Variants in WWOX observed in about 807,000 individuals in gnomAD.
The protein encoded by WWOX is WW domain-containing oxidoreductase.
A neutral mutation model predicts 46.2 loss-of-function variants in WWOX; 69 were observed. The ratio of observed to expected loss-of-function variants is 1.49; its 90% confidence interval spans 1.23 to 1.82. The LOEUF is 1.82. Ranked by LOEUF, WWOX falls within the 40% of genes most tolerant of loss-of-function variation. The pLI is 0.00. For missense variants in WWOX, 919 were observed against 542.6 expected, an observed-to-expected ratio of 1.69 and a Z score of -6.89; for synonymous variants, 359 against 202.6, an observed-to-expected ratio of 1.77 and a Z score of -6.56.
intron 8 of WWOX, among the ~76,000 whole-genome samples, chr16:78,607,135 T>A (rs1327899589): frequency 6.6e-6 from 1 of 152,084 alleles, no homozygotes; most frequent in Non-Finnish European, 1.5e-5. Context: ...TTTTATTAAT[T>A]AGTTAAAATA....
intron 8 of WWOX, among the ~76,000 whole-genome samples, chr16:79,149,171 T>G (rs928049571): frequency 2.6e-5 from 4 of 152,292 alleles, no homozygotes; most frequent in African/African-American, 9.6e-5. Flanking sequence ...CTGTAAATTT[T>G]TTGTAGATGT....
At chr16:78,740,902 A>G (rs1341048922) in intron 8 of WWOX, among the ~76,000 whole-genome samples, 1 of 152,112 alleles carries the variant, frequency 6.6e-6, no homozygotes, top group Non-Finnish European at 1.5e-5. Context: ...CCCCACCAGA[A>G]ACCCTCACAG....
At chr16:78,427,481 C>T (rs904146781) in intron 7 of WWOX, among the ~76,000 whole-genome samples, 4 of 152,136 alleles carry the variant, frequency 2.6e-5, no homozygotes, top group African/African-American at 9.7e-5. Context: ...GCTGCAGCTG[C>T]ATGGAGTGCC....
At chr16:78,983,440 A>T (rs916941720) in intron 8 of WWOX, among the ~76,000 whole-genome samples, 1 of 152,212 alleles carries the variant, frequency 6.6e-6, no homozygotes, top group Non-Finnish European at 1.5e-5. Context: ...TTATCCATAA[A>T]ACTGAACAGG....
At chr16:78,919,844 C>T (rs1442964186) in intron 8 of WWOX, among the ~76,000 whole-genome samples, 1 of 152,114 alleles carries the variant, frequency 6.6e-6, no homozygotes, top group Non-Finnish European at 1.5e-5. Flanking sequence ...TGTGGGGATC[C>T]TGGAGACACA....
At position 78,696,533 on chromosome 16, in the gene WWOX, C is replaced by T. The variant is rs371830633; in HGVS notation, c.1056+263781C>T. Among the ~76,000 whole-genome samples, 9 of 152,246 alleles carry T rather than the reference C, an allele frequency of 5.9e-5. No homozygotes were observed. The South Asian group carries it at 1.9e-3, about 32-fold the overall frequency. The stretch of plus-strand genomic sequence containing the variant: ...AGGATACTCTCTCACAATGCTAGGC[C>T]ACAGCAGCGAGCTGCAGCTCCCAGT... On this transcript the variant is annotated intron_variant, in intron 8 of 8. Coordinates refer to ENST00000566780, the MANE Select transcript of WWOX (RefSeq NM_016373.4).
intron 8 of WWOX, among the ~76,000 whole-genome samples, chr16:78,604,308 C>A (rs959342180): frequency 6.6e-6 from 1 of 152,104 alleles, no homozygotes; most frequent in Non-Finnish European, 1.5e-5. Flanking sequence ...TACATCTTGT[C>A]CTCTTAACCC....
At position 79,038,596 on chromosome 16, in the gene WWOX, C is replaced by T. The variant is rs149864986; in HGVS notation, c.1057-173012C>T. On this transcript the variant is annotated intron_variant, in intron 8 of 8. Transcript: ENST00000566780. ...CAGAGTTTCTCTCTTGTCACACAGG[C>T]TGGAGTGCAATGGTGCAATCTCAGC... 5.1e-3 allele frequency among the ~76,000 whole-genome samples: 772 copies of T among 152,236 alleles called. 5 individuals are homozygous for T. The highest frequency in any genetic ancestry group is 0.017 in the African/African-American group (709 of 41,524).
rs114418618 is a variant in WWOX, at chr16:78,569,380, T to A, written c.1056+136628T>A. Among the ~76,000 whole-genome samples, 846 of 152,338 alleles carry A rather than the reference T, an allele frequency of 5.6e-3. 11 individuals carry two copies. The highest frequency in any genetic ancestry group is 0.02 in the African/African-American group (824 of 41,582). ...TGAGTTGGTTTAAAATATCACTGTT[T>A]TGTTGACATTCACCTGTATTATACA... On this transcript the variant is annotated intron_variant, in intron 8 of 8. Coordinates refer to ENST00000566780, the MANE Select transcript of WWOX (RefSeq NM_016373.4).
Position 78,134,573 on chromosome 16 carries a change from G to A in WWOX, c.409+19419G>A, listed in dbSNP as rs149293038. Among the ~76,000 whole-genome samples the A allele has an allele frequency of 8.5e-3, 1,296 of 152,016 alleles. 30 individuals are homozygous for A. Among genetic ancestry groups the A allele is most frequent in the African/African-American group, 0.03 (1,251 of 41,452 alleles). Reference sequence around the variant, plus strand: ...AGTTTCATATTTTACTTTAATTTCTGTACATCAATATCTGCCATTATAGTA... The same window carrying A: ...AGTTTCATATTTTACTTTAATTTCTATACATCAATATCTGCCATTATAGTA... On this transcript the variant is annotated intron_variant, in intron 4 of 8. Transcript: ENST00000566780.
intron 5 of WWOX, among the ~76,000 whole-genome samples, chr16:78,242,594 A>T (rs763210248): frequency 2.0e-5 from 3 of 152,196 alleles, no homozygotes; most frequent in African/African-American, 7.2e-5. Flanking sequence ...GAGGAGGGTT[A>T]TTAAAAAGGT....
At chr16:78,791,560 G>A (rs1430414368) in intron 8 of WWOX, among the ~76,000 whole-genome samples, 4 of 152,054 alleles carry the variant, frequency 2.6e-5, no homozygotes, top group Non-Finnish European at 4.4e-5. Context: ...ACCTTCGCAG[G>A]CCATCTGAAG....
chr16:78,613,618 A>G (rs571579593), intron 8 of WWOX, among the ~76,000 whole-genome samples: 1 of 152,312 alleles, frequency 6.6e-6, no homozygotes, highest in East Asian at 1.9e-4. Context: ...TCAAGATGCA[A>G]TCACCACTAC....
rs2045563866 is a variant in WWOX, at chr16:78,929,093, G to C, written c.1057-282515G>C. ...CACAGAACATCCAAGTAGACATCAT[G>C]TCAAAATAATCAAAATGTATTTAAC... On this transcript the variant is annotated intron_variant, in intron 8 of 8. Coordinates refer to ENST00000566780, the MANE Select transcript of WWOX (RefSeq NM_016373.4). 1.3e-5 allele frequency among the ~76,000 whole-genome samples: 2 copies of C among 152,138 alleles called. 1 individual carries two copies. The highest frequency in any genetic ancestry group is 4.1e-4 in the South Asian group (2 of 4,834).
At chr16:78,260,243 G>A (rs1000917361) in intron 5 of WWOX, among the ~76,000 whole-genome samples, 1 of 151,558 alleles carries the variant, frequency 6.6e-6, no homozygotes, top group Non-Finnish European at 1.5e-5. Flanking sequence ...CAGTGTTACT[G>A]GGAAGAGGGG....
chr16:78,612,383 G>A (rs9931204), intron 8 of WWOX, among the ~76,000 whole-genome samples: 22,627 of 152,256 alleles, frequency 0.15, 2,788 homozygotes, highest in African/African-American at 0.34. Flanking sequence ...CATCTCTTAC[G>A]GCAGGCAGCG....
chr16:78,249,689 C>G (rs899005232), intron 5 of WWOX, among the ~76,000 whole-genome samples: 2 of 152,102 alleles, frequency 1.3e-5, no homozygotes, highest in African/African-American at 4.8e-5. Flanking sequence ...TTAGGTGGAC[C>G]AAAATGATCA....
intron 8 of WWOX, among the ~76,000 whole-genome samples, chr16:78,498,928 A>C (rs1428021556): frequency 2.6e-5 from 4 of 152,108 alleles, no homozygotes; most frequent in African/African-American, 9.7e-5. Flanking sequence ...TGGCATTGAG[A>C]GATAAGCACA....
intron 8 of WWOX, among the ~76,000 whole-genome samples, chr16:79,019,453 C>G (rs910369491): frequency 2.6e-5 from 4 of 152,118 alleles, no homozygotes; most frequent in East Asian, 1.9e-4. Context: ...CTCAACATAT[C>G]TAAACATAGA....
Sources: allele counts gnomAD v4.1 joint callset (sites outside exome capture counted in the v4.1 genomes callset), GRCh38; gene constraint gnomAD v4.1.1; transcripts MANE v1.5; gene names NCBI Gene and HGNC (gene_info 2026-07-23, HGNC 2026-07-21).